Variants in CRADD observed in about 807,000 individuals in gnomAD.
CRADD encodes the protein death domain-containing protein CRADD.
Under a neutral mutation model 15.5 loss-of-function variants are expected in CRADD, and 9 were observed. That is an observed-to-expected ratio of 0.58 (90% CI 0.35 to 1.01). The LOEUF (loss-of-function observed/expected upper bound fraction) is 1.01, where lower values mean the gene tolerates loss of function less well. Ranked by LOEUF, CRADD falls within the 50% of genes least tolerant of loss-of-function variation. CRADD has a pLI of 0.02. For missense variants in CRADD, 227 were observed against 250.3 expected, an observed-to-expected ratio of 0.91 and a Z score of 0.63; for synonymous variants, 118 against 107.6, an observed-to-expected ratio of 1.10 and a Z score of -0.60.
chr12:93,726,863 G>T (rs1956377118), intron 2 of CRADD, among the ~76,000 whole-genome samples: 1 of 152,082 alleles, frequency 6.6e-6, no homozygotes, highest in East Asian at 1.9e-4. Flanking sequence ...ACATTGGAAG[G>T]TCTCTTGTAA....
At chr12:93,856,564 G>A (rs1408239151) in intron 2 of CRADD, among the ~76,000 whole-genome samples, 2 of 152,148 alleles carry the variant, frequency 1.3e-5, no homozygotes, top group African/African-American at 2.4e-5. Context: ...TCTTTGGGAG[G>A]CCTTAATGTG....
chr12:93,700,511 A>G (rs1955818846), intron 2 of CRADD, among the ~76,000 whole-genome samples: 1 of 151,894 alleles, frequency 6.6e-6, no homozygotes, highest in Non-Finnish European at 1.5e-5. Context: ...GCTCAGTACA[A>G]GCTCTGCCTC....
chr12:93,845,352 G>T (rs865911610), intron 2 of CRADD, among the ~76,000 whole-genome samples: 1 of 152,184 alleles, frequency 6.6e-6, no homozygotes. Context: ...AGATGTTCAC[G>T]TTATAAGTAT....
intron 2 of CRADD, among the ~76,000 whole-genome samples, chr12:93,842,679 A>G (rs17041107): frequency 0.44 from 67,534 of 151,938 alleles, 15,310 homozygotes; most frequent in East Asian, 0.68. Flanking sequence ...TTTGAGGCCA[A>G]AACAGTGATT....
At chr12:93,846,581 A>AACACACACAAAC (rs1171424444) in intron 2 of CRADD, 1 of 136,704 alleles carries the variant, frequency 7.3e-6, no homozygotes, top group Non-Finnish European at 1.6e-5. Context: ...TTAAAACCAG[A>AACACACACAAAC]ACACACACAC....
chr12:93,746,072 A>T (rs1378250087), intron 2 of CRADD, among the ~76,000 whole-genome samples: 1 of 152,162 alleles, frequency 6.6e-6, no homozygotes, highest in Non-Finnish European at 1.5e-5. Flanking sequence ...TGTAATATAA[A>T]ATTCTATATG....
chr12:93,732,309 C>T (rs1421235719), intron 2 of CRADD, among the ~76,000 whole-genome samples: 1 of 151,922 alleles, frequency 6.6e-6, no homozygotes, highest in Non-Finnish European at 1.5e-5. Context: ...AAGATTTGGG[C>T]GCAGAGTTAT....
chr12:93,818,411 T>C (rs1213050950), intron 2 of CRADD, among the ~76,000 whole-genome samples: 1 of 152,174 alleles, frequency 6.6e-6, no homozygotes, highest in Non-Finnish European at 1.5e-5. Flanking sequence ...TTAGGACCAA[T>C]GTCTTCTGTA....
intron 2 of CRADD, among the ~76,000 whole-genome samples, chr12:93,848,215 A>G (rs1026526214): frequency 6.6e-6 from 1 of 151,952 alleles, no homozygotes; most frequent in Admixed American, 6.6e-5. Flanking sequence ...AATCTCAACT[A>G]TTGATCAGTA....
At position 93,770,379 on chromosome 12, in the gene CRADD, G is replaced by A. The variant is rs185486186; in HGVS notation, c.299-79591G>A. On this transcript the variant is annotated intron_variant, in intron 2 of 2. Coordinates refer to ENST00000332896, the MANE Select transcript of CRADD (RefSeq NM_003805.5). ...CCCAAAGTGCTGGGATTACAAGCGT[G>A]AGCCACCGCGCCCGGCCCCCTCCTA... Among the ~76,000 whole-genome samples the A allele has an allele frequency of 2.1e-3, 324 of 152,156 alleles. 4 individuals are homozygous for A. Among genetic ancestry groups the A allele is most frequent in the Non-Finnish European group, 3.5e-3 (241 of 67,992 alleles).
At chr12:93,764,262 A>T (rs1957002465) in intron 2 of CRADD, among the ~76,000 whole-genome samples, 1 of 147,762 alleles carries the variant, frequency 6.8e-6, no homozygotes. Flanking sequence ...GACTAGGGGC[A>T]GGGAGACCTG....
chr12:93,738,523 C>T, intron 2 of CRADD: 1 of 699,894 alleles, frequency 1.4e-6, no homozygotes, highest in South Asian at 1.5e-5. Flanking sequence ...CAAAGCAAAT[C>T]CTTCTCTTGG....
At chr12:93,881,389 T>C (rs1958499631) in intron 2 of CRADD, among the ~76,000 whole-genome samples, 1 of 145,232 alleles carries the variant, frequency 6.9e-6, no homozygotes, top group South Asian at 2.2e-4. Context: ...CACAGCTTTT[T>C]AGAAACACGT....
At chr12:93,844,180 A>G (rs1354106409) in intron 2 of CRADD, among the ~76,000 whole-genome samples, 1 of 152,204 alleles carries the variant, frequency 6.6e-6, no homozygotes, top group Non-Finnish European at 1.5e-5. Flanking sequence ...CAGAATGTTC[A>G]TCTTGCACTC....
rs1313466835 is a variant in CRADD at position 93,808,685 on chromosome 12, G to T, written c.299-41285G>T. On this transcript the variant is annotated intron_variant, in intron 2 of 2. Transcript: ENST00000332896. ...ATCAGTCCAGCTCTTTGTGGCTTCA[G>T]TTGATACATTTCAGTCCCCAATCAC... Among the ~76,000 whole-genome samples the T allele has an allele frequency of 2.0e-5, 3 of 152,106 alleles. No individual in the cohort carries two copies. The East Asian group carries it at 5.8e-4, about 29-fold the overall frequency.
At chr12:93,740,610 GCC>G (rs1206000125) in intron 2 of CRADD, among the ~76,000 whole-genome samples, 1 of 152,144 alleles carries the variant, frequency 6.6e-6, no homozygotes, top group African/African-American at 2.4e-5. Context: ...TTCTGTGAAA[GCC>G]ATATTCTTAA....
At chr12:93,770,329 C>T (rs1957073251) in intron 2 of CRADD, among the ~76,000 whole-genome samples, 1 of 152,004 alleles carries the variant, frequency 6.6e-6, no homozygotes, top group South Asian at 2.1e-4. Context: ...GATCTCCTGA[C>T]CTCGTGATCC....
intron 2 of CRADD, among the ~76,000 whole-genome samples, chr12:93,688,067 T>C (rs1454353709): frequency 4.6e-5 from 7 of 152,146 alleles, no homozygotes; most frequent in Non-Finnish European, 1.5e-5. Context: ...AGTTGGATGC[T>C]CCTCTCAGTT....
In CRADD at chr12:93,819,588, T is replaced by TA. The variant is rs200141217; in HGVS notation, c.299-30375dup. Among the ~76,000 whole-genome samples, 92 of 152,286 alleles carry TA rather than the reference T, an allele frequency of 6.0e-4. No individual in the cohort carries two copies. The East Asian group carries it at 0.017, about 29-fold the overall frequency. The stretch of plus-strand genomic sequence containing the variant: ...TAAGAAAGTGAATATAAAGAAAATC[T>TA]AAAAAAAGAAAGTGAATATGATAGC... On this transcript the variant is annotated intron_variant, in intron 2 of 2. Coordinates refer to ENST00000332896, the MANE Select transcript of CRADD (RefSeq NM_003805.5).
Sources: gnomAD v4.1 joint callset for allele counts (sites outside exome capture counted in the v4.1 genomes callset) on GRCh38, gnomAD v4.1.1 for gene constraint, MANE v1.5 for transcripts, NCBI Gene and HGNC (gene_info 2026-07-23, HGNC 2026-07-21) for gene names.